The following GRIK4 variants were observed in gnomAD, a reference collection of about 807,000 sequenced individuals.
GRIK4 encodes glutamate receptor ionotropic, kainate 4.
GRIK4 carries 40 observed loss-of-function variants against 104.9 expected under a neutral mutation model. The ratio of observed to expected loss-of-function variants is 0.38; its 90% confidence interval spans 0.30 to 0.50. The LOEUF (loss-of-function observed/expected upper bound fraction) is 0.50. Among genes scored for constraint, GRIK4 ranks in the 20% least tolerant of loss-of-function variants. The pLI is 0.93. For synonymous variants in GRIK4, 485 were observed against 524.9 expected (o/e 0.92, Z 1.04); for missense variants, 1,047 against 1,308.1 (o/e 0.80, Z 3.08).
chr11:120,781,226 G>T (rs1952150985), intron 3 of GRIK4, among the ~76,000 whole-genome samples: 2 of 151,680 alleles, frequency 1.3e-5, no homozygotes, highest in African/African-American at 4.8e-5. Context: ...TGGGTGTGAG[G>T]TGAAAAGAAG....
At chr11:120,578,886 T>C (rs969959192) in intron 1 of GRIK4, among the ~76,000 whole-genome samples, 1 of 152,150 alleles carries the variant, frequency 6.6e-6, no homozygotes, top group Admixed American at 6.5e-5. Context: ...TCCAGCCCCA[T>C]GGGTGGCTGG....
At chr11:120,812,000 C>T (rs922873086) in intron 4 of GRIK4, among the ~76,000 whole-genome samples, 5 of 152,140 alleles carry the variant, frequency 3.3e-5, no homozygotes, top group East Asian at 1.9e-4. Context: ...CTCCGATCTA[C>T]GTTTTAGGAC....
chr11:120,594,802 C>T (rs1948780337), intron 1 of GRIK4, among the ~76,000 whole-genome samples: 1 of 152,158 alleles, frequency 6.6e-6, no homozygotes, highest in Non-Finnish European at 1.5e-5. Context: ...TCCATTGCCA[C>T]TGATTGGGGT....
intron 1 of GRIK4, among the ~76,000 whole-genome samples, chr11:120,653,125 A>G (rs1949644457): frequency 6.6e-6 from 1 of 152,202 alleles, no homozygotes; most frequent in Non-Finnish European, 1.5e-5. Flanking sequence ...GACAGTATTT[A>G]TGTGTAGCTG....
intron 3 of GRIK4, among the ~76,000 whole-genome samples, chr11:120,723,302 C>G (rs889875656): frequency 2.6e-5 from 4 of 152,304 alleles, no homozygotes; most frequent in African/African-American, 9.6e-5. Flanking sequence ...ACCACTCTTC[C>G]AGGCCTCATT....
chr11:120,889,589 ATTTTTTTTTTT>A (rs369264259), intron 11 of GRIK4, among the ~76,000 whole-genome samples: 57 of 62,506 alleles, frequency 9.1e-4, no homozygotes, highest in African/African-American at 2.1e-3. Context: ...AAGAGCTTAC[ATTTTTTTTTTT>A]TTTTTTTTTT....
chr11:120,789,241 A>G (rs768468914), intron 3 of GRIK4, among the ~76,000 whole-genome samples: 14 of 152,266 alleles, frequency 9.2e-5, no homozygotes, highest in Non-Finnish European at 1.6e-4. Flanking sequence ...CCCGAACTTA[A>G]TAAATACTAC....
At chr11:120,548,017 C>G (rs1948103250) in intron 1 of GRIK4, among the ~76,000 whole-genome samples, 1 of 152,154 alleles carries the variant, frequency 6.6e-6, no homozygotes, top group Non-Finnish European at 1.5e-5. Flanking sequence ...CTGCTGTCCA[C>G]AGGGTGAAGG....
In GRIK4 at chr11:120,905,493, G is replaced by C; in HGVS notation, c.1476G>C (p.Arg492Ser). The change falls in exon 13 of 21, where the codon AGG becomes AGC. Residue 492 changes from arginine (R) to serine (S), a missense_variant and splice_region_variant. Arg to Ser is a moderately radical substitution (Grantham distance 110, BLOSUM62 -1). Transcript: ENST00000527524. This position sits in a 1 kb window ranked among gnomAD's most constrained non-coding sequence, Gnocchi z 5.1. ...GAATGGTCGGGGAGCTGATCGCTAG[G>C]GTAAGGAGAGGACAAGTGATCTGGG... is the stretch of plus-strand genomic sequence containing the variant. Reference protein sequence around the residue: ...WTGMVGELIARKADLAVAGLT... With the variant: ...WTGMVGELIASKADLAVAGLT... The C allele has an allele frequency of 6.8e-7, 1 of 1,460,498 alleles. No individual in the cohort carries two copies. The highest frequency in any genetic ancestry group is 9.3e-7 in the Non-Finnish European group (1 of 1,074,670). The allele number at this position is 1,460,498 out of a possible 1,614,324, so 90.5% of individuals were successfully genotyped here. A position where few individuals can be genotyped will look rare whatever the true frequency, so the allele number is the denominator to read the frequency against.
At chr11:120,983,321 C>T (rs1944683462) in intron 20 of GRIK4, among the ~76,000 whole-genome samples, 1 of 152,206 alleles carries the variant, frequency 6.6e-6, no homozygotes, top group African/African-American at 2.4e-5. Context: ...GGGGATCCAG[C>T]TGAGAGAATC....
At chr11:120,962,402 G>A (rs1011587705) in intron 17 of GRIK4, 54 bp from the exon 18 acceptor site, 6 of 1,276,574 alleles carry the variant, frequency 4.7e-6, no homozygotes, top group South Asian at 1.3e-5. Flanking sequence ...CTCTTTTTAA[G>A]CCAACGTTTC....
intron 1 of GRIK4, among the ~76,000 whole-genome samples, chr11:120,609,516 C>CTTTTTT (rs58736481): frequency 3.0e-4 from 17 of 57,160 alleles, no homozygotes; most frequent in Non-Finnish European, 4.3e-4. Flanking sequence ...TTTGCAGTTG[C>CTTTTTT]TTTTTTTTTT....
intron 8 of GRIK4, among the ~76,000 whole-genome samples, chr11:120,850,341 G>A (rs1953946236): frequency 6.6e-6 from 1 of 151,966 alleles, no homozygotes; most frequent in South Asian, 2.1e-4. Context: ...GTTTCTTGGG[G>A]GTCATCTTAG....
chr11:120,515,654 G>A (rs1192548819), intron 1 of GRIK4, among the ~76,000 whole-genome samples: 2 of 152,176 alleles, frequency 1.3e-5, no homozygotes, highest in Non-Finnish European at 2.9e-5. Flanking sequence ...CACATTCTCT[G>A]ACTCCCAGCA....
intron 3 of GRIK4, among the ~76,000 whole-genome samples, chr11:120,684,867 G>A (rs1324033202): frequency 1.3e-5 from 2 of 152,082 alleles, no homozygotes; most frequent in African/African-American, 2.4e-5. Flanking sequence ...CCGCCACCGC[G>A]CCCGGCTAAT....
chr11:120,980,901 G>A (rs867328583), intron 19 of GRIK4, among the ~76,000 whole-genome samples: 1 of 152,186 alleles, frequency 6.6e-6, no homozygotes, highest in Non-Finnish European at 1.5e-5. Context: ...GAAACCCTGG[G>A]CATACTGAAA....
At chr11:120,958,526 C>T (rs559221249) in intron 16 of GRIK4, among the ~76,000 whole-genome samples, 4 of 152,368 alleles carry the variant, frequency 2.6e-5, no homozygotes, top group Non-Finnish European at 4.4e-5. Flanking sequence ...ACAGGGCCAT[C>T]GTGGCCTACC....
intron 1 of GRIK4, among the ~76,000 whole-genome samples, chr11:120,604,420 C>T (rs573091335): frequency 1.3e-5 from 2 of 152,258 alleles, no homozygotes; most frequent in East Asian, 1.9e-4. Flanking sequence ...GGGGAAGCAC[C>T]GTTTGGACAA....
At chr11:120,710,893 A>G (rs1950720308) in intron 3 of GRIK4, among the ~76,000 whole-genome samples, 3 of 152,150 alleles carry the variant, frequency 2.0e-5, no homozygotes, top group Non-Finnish European at 2.9e-5. Flanking sequence ...TGGGTAAATA[A>G]ATTAACTGGG....
Sources: gnomAD v4.1 joint callset for allele counts (sites outside exome capture counted in the v4.1 genomes callset) on GRCh38, gnomAD v4.1.1 for gene constraint, Gnocchi (gnomAD v3.1) non-coding constraint, MANE v1.5 for transcripts, NCBI Gene and HGNC (gene_info 2026-07-23, HGNC 2026-07-21) for gene names.